Variants in HDAC9 observed in about 807,000 individuals in gnomAD.
HDAC9 encodes MEF-2 interacting transcription repressor (MITR) protein.
In HDAC9, 41 loss-of-function variants were observed where a neutral mutation model predicts 139.4. The ratio of observed to expected loss-of-function variants is 0.29; its 90% CI spans 0.23 to 0.38. The LOEUF is 0.38. Ranked by LOEUF, HDAC9 falls within the 10% of genes least tolerant of loss-of-function variation. The pLI is 1.00. For missense variants in HDAC9, 1,147 were observed against 1,297.0 expected (o/e 0.88, Z 1.78); for synonymous variants, 517 against 476.2 (o/e 1.09, Z -1.12).
intron 2 of HDAC9, among the ~76,000 whole-genome samples, chr7:18,202,624 G>A (rs1791215605): frequency 6.6e-6 from 1 of 152,172 alleles, no homozygotes; most frequent in African/African-American, 2.4e-5. Context: ...GATTTAAGTT[G>A]TTAAGATTTA....
chr7:18,205,015 G>T (rs2731555), intron 2 of HDAC9, among the ~76,000 whole-genome samples: 1 of 151,704 alleles, frequency 6.6e-6, no homozygotes, highest in Non-Finnish European at 1.5e-5. Context: ...GTGTGTGTGT[G>T]TTTATAAACC....
chr7:18,920,335 A>G (rs1324240528), intron 22 of HDAC9, among the ~76,000 whole-genome samples: 1 of 152,142 alleles, frequency 6.6e-6, no homozygotes, highest in Non-Finnish European at 1.5e-5. Flanking sequence ...ATTTTTACAC[A>G]TTGATTTTGT....
intron 2 of HDAC9, among the ~76,000 whole-genome samples, chr7:18,212,218 T>G (rs917973394): frequency 1.3e-5 from 2 of 152,194 alleles, no homozygotes; most frequent in African/African-American, 4.8e-5. Flanking sequence ...AAAAATCTTC[T>G]TTATCTTTTT....
chr7:18,228,000 T>A (rs1047775448), intron 2 of HDAC9, among the ~76,000 whole-genome samples: 1 of 152,168 alleles, frequency 6.6e-6, no homozygotes, highest in African/African-American at 2.4e-5. Context: ...GCTGAAAAGA[T>A]TTATTTGCAT....
intron 2 of HDAC9, among the ~76,000 whole-genome samples, chr7:18,229,650 T>C (rs1471680400): frequency 7.9e-5 from 12 of 152,126 alleles, no homozygotes. Context: ...ATCCGTCAGG[T>C]AGGAAGGAGT....
chr7:18,578,903 A>T (rs1269783684), intron 2 of HDAC9, among the ~76,000 whole-genome samples: 1 of 152,236 alleles, frequency 6.6e-6, no homozygotes. Context: ...GCATGCAAAG[A>T]ATTTGAGTCA....
In HDAC9 at chr7:18,873,999, ATGT is replaced by A. The variant is rs1357689090; in HGVS notation, c.2685-477_2685-475del. 3.5e-3 allele frequency among the ~76,000 whole-genome samples: 519 copies of A among 148,316 alleles called. 3 individuals are homozygous for A. Among genetic ancestry groups the A allele is most frequent in the African/African-American group, 9.5e-3 (379 of 39,748 alleles). The stretch of plus-strand genomic sequence containing the variant: ...CCCCTACCATGATAAATATTTAAAA[ATGT>A]TTTTTTTTTTTTTAAGTTGGGAAAG... On this transcript the variant is annotated intron_variant, in intron 21 of 25. Coordinates refer to ENST00000686413, the MANE Select transcript of HDAC9 (RefSeq NM_178425.4).
chr7:18,782,000 A>G (rs2129171317), intron 16 of HDAC9, among the ~76,000 whole-genome samples: 1 of 152,246 alleles, frequency 6.6e-6, no homozygotes, highest in East Asian at 1.9e-4. Flanking sequence ...ATGGCACAGA[A>G]TCAATACTGC....
chr7:18,948,506 C>T (rs537133494), intron 23 of HDAC9, among the ~76,000 whole-genome samples: 8 of 152,134 alleles, frequency 5.3e-5, no homozygotes, highest in African/African-American at 1.2e-4. Flanking sequence ...AACCAGTTAT[C>T]GTTAAGGGAA....
At chr7:18,647,745 G>C in intron 9 of HDAC9, 40 bp from the exon 10 acceptor site, 1 of 1,520,400 alleles carries the variant, frequency 6.6e-7, no homozygotes, top group Non-Finnish European at 8.9e-7. Context: ...GACCCACATG[G>C]ATGAAAGAGG....
chr7:18,370,158 T>C (rs10486301), intron 1 of HDAC9, among the ~76,000 whole-genome samples: 26,967 of 152,100 alleles, frequency 0.18, 2,879 homozygotes, highest in Non-Finnish European at 0.22. Flanking sequence ...CCATTGTGCA[T>C]GTATTCTATA....
At chr7:18,310,809 TACACACACAC>T (rs71847714) in intron 1 of HDAC9, among the ~76,000 whole-genome samples, 10,077 of 143,164 alleles carry the variant, frequency 0.07, 955 homozygotes, top group African/African-American at 0.22. Context: ...ACAAATCCAT[TACACACACAC>T]ACACACACAC....
intron 2 of HDAC9, among the ~76,000 whole-genome samples, chr7:18,281,658 A>G (rs1160488499): frequency 1.3e-5 from 2 of 152,204 alleles, no homozygotes; most frequent in African/African-American, 2.4e-5. Context: ...CTTTGTAACC[A>G]TCACCTTGTG....
At chr7:18,244,039 G>C (rs973331185) in intron 2 of HDAC9, among the ~76,000 whole-genome samples, 1 of 152,352 alleles carries the variant, frequency 6.6e-6, no homozygotes, top group Middle Eastern at 3.4e-3. Context: ...GGAATAGACT[G>C]TTGCTGAATA....
intron 1 of HDAC9, among the ~76,000 whole-genome samples, chr7:18,474,355 A>C (rs888829516): frequency 1.3e-5 from 2 of 152,210 alleles, no homozygotes; most frequent in Admixed American, 1.3e-4. Flanking sequence ...GTGCTTTTGC[A>C]TGTCAGGTAT....
intron 4 of HDAC9, among the ~76,000 whole-genome samples, chr7:18,591,234 A>C (rs1830849179): frequency 6.6e-6 from 1 of 152,188 alleles, no homozygotes; most frequent in Admixed American, 6.6e-5. Flanking sequence ...TGATTTTGGG[A>C]ATTCCCTCTT....
intron 1 of HDAC9, among the ~76,000 whole-genome samples, chr7:18,109,096 G>A (rs1783431004): frequency 1.3e-5 from 2 of 152,262 alleles, no homozygotes; most frequent in Middle Eastern, 3.4e-3. Context: ...AGACTTCCTG[G>A]GGAAAGTGGA....
intron 2 of HDAC9, among the ~76,000 whole-genome samples, chr7:18,511,970 G>A (rs1563102514): frequency 6.8e-6 from 1 of 146,416 alleles, no homozygotes; most frequent in Non-Finnish European, 1.5e-5. Flanking sequence ...ATTGGTTAAA[G>A]GAAAAAAGTC....
intron 1 of HDAC9, among the ~76,000 whole-genome samples, chr7:18,345,572 C>CAAA (rs35183114): frequency 1.6e-5 from 2 of 123,408 alleles, no homozygotes; most frequent in Non-Finnish European, 3.6e-5. Context: ...CAACAGAAGA[C>CAAA]AAAAAAAAAA....
Sources: allele counts gnomAD v4.1 joint callset (sites outside exome capture counted in the v4.1 genomes callset), GRCh38; gene constraint gnomAD v4.1.1; transcripts MANE v1.5; gene names NCBI Gene and HGNC (gene_info 2026-07-23, HGNC 2026-07-21).